Variants in GALNT9 observed in about 807,000 individuals in gnomAD.
The protein encoded by GALNT9 is polypeptide N-acetylgalactosaminyltransferase 9.
In GALNT9, 47 loss-of-function variants were observed where a neutral mutation model predicts 63.1. That is an observed-to-expected ratio of 0.75 (90% CI 0.59 to 0.95). The LOEUF (loss-of-function observed/expected upper bound fraction) is 0.95, where lower values mean the gene tolerates loss of function less well. GALNT9 is among the 40% of genes least tolerant of loss of function. The pLI is 0.00. For synonymous variants in GALNT9, 396 were observed against 365.7 expected (o/e 1.08, Z -0.94); for missense variants, 829 against 874.8 (o/e 0.95, Z 0.66).
chr12:132,216,796 C>T (rs1432335062), intron 6 of GALNT9, among the ~76,000 whole-genome samples: 5 of 152,342 alleles, frequency 3.3e-5, no homozygotes, highest in Non-Finnish European at 5.9e-5. Context: ...GTTCTGAGCT[C>T]GAGGCTTTGG....
chr12:132,251,220 T>A (rs1434561556), intron 5 of GALNT9, among the ~76,000 whole-genome samples: 1 of 152,226 alleles, frequency 6.6e-6, no homozygotes, highest in African/African-American at 2.4e-5. Context: ...ATTTTATGAA[T>A]TTCGATCGAT....
chr12:132,224,930 A>G (rs1455680774), intron 6 of GALNT9, among the ~76,000 whole-genome samples: 2 of 137,338 alleles, frequency 1.5e-5, no homozygotes, highest in Non-Finnish European at 3.1e-5. Context: ...CCACATGCAT[A>G]AACACAACCC....
At chr12:132,204,725 G>A (rs1365587405) in intron 6 of GALNT9, among the ~76,000 whole-genome samples, 4 of 151,964 alleles carry the variant, frequency 2.6e-5, no homozygotes, top group South Asian at 2.1e-4. Context: ...AGCCAGCCCC[G>A]TCCCATCCTA....
At chr12:132,224,926 G>A (rs1320050363) in intron 6 of GALNT9, among the ~76,000 whole-genome samples, 1 of 120,020 alleles carries the variant, frequency 8.3e-6, no homozygotes. Flanking sequence ...CGTGCCACAT[G>A]CATAAACACA....
chr12:132,215,457 C>G (rs1424372659), intron 6 of GALNT9, among the ~76,000 whole-genome samples: 1 of 152,208 alleles, frequency 6.6e-6, no homozygotes, highest in Non-Finnish European at 1.5e-5. Context: ...GTGCTGGCCT[C>G]GACGGAGAGC....
Position 132,257,758 on chromosome 12 carries a change from C to T in GALNT9, c.890G>A (p.Gly297Asp). The change falls in exon 5 of 11, where the codon GGC becomes GAC. Residue 297 changes from glycine to aspartate, a missense_variant. By Grantham distance (94) the Gly-to-Asp change is moderately conservative. Transcript: ENST00000328957. Reference protein sequence around the residue: ...YANAAHGYNWGLWCMYIIPPQ... With the variant: ...YANAAHGYNWDLWCMYIIPPQ... ...GGGGATGATGTACATGCACCAGAGG[C>T]CCCAGTTGTAGCCATGGGCGGCGTT... 1 of 1,550,552 alleles carries T rather than the reference C, an allele frequency of 6.4e-7. No individual in the cohort carries two copies. The highest frequency in any genetic ancestry group is 8.7e-7 in the Non-Finnish European group (1 of 1,146,834).
Position 132,315,665 on chromosome 12 carries a change from G to A in GALNT9, c.238+13301C>T, listed in dbSNP as rs1011830711. Among the ~76,000 whole-genome samples, 5 of 152,190 alleles carry A rather than the reference G, an allele frequency of 3.3e-5. No individual in the cohort carries two copies. The highest frequency in any genetic ancestry group is 1.2e-4 in the African/African-American group (5 of 41,438). Reference sequence around the variant, plus strand: ...GTCTTCTGGGCCAGTCTCTGTGAAGGCCACCAGTTCGGATCCCAGTTCTGC... The same window carrying A: ...GTCTTCTGGGCCAGTCTCTGTGAAGACCACCAGTTCGGATCCCAGTTCTGC... On this transcript the variant is annotated intron_variant, in intron 1 of 10. Coordinates refer to ENST00000328957, the MANE Select transcript of GALNT9 (RefSeq NM_001122636.2). This position sits in a 1 kb window ranked among gnomAD's most constrained non-coding sequence, Gnocchi z 6.1.
chr12:132,322,161 TC>T (rs1868832026), intron 1 of GALNT9, among the ~76,000 whole-genome samples: 1 of 152,192 alleles, frequency 6.6e-6, no homozygotes, highest in Non-Finnish European at 1.5e-5. Context: ...GACGTGAGCT[TC>T]CGGGCGGGCC....
At chr12:132,227,314 G>A (rs956153098) in intron 6 of GALNT9, among the ~76,000 whole-genome samples, 2 of 152,114 alleles carry the variant, frequency 1.3e-5, no homozygotes, top group African/African-American at 2.4e-5. Context: ...CCCCGAACGC[G>A]TGTGGGGAAG....
In GALNT9 at chr12:132,253,520, T is replaced by C. The variant is rs577570204; in HGVS notation, c.959+4169A>G. ...TGACCCTATACCCTCAGGTTATTCCTAGATTATATTAGTAATGCAACAAAG... is the reference window on the plus strand; with the variant it reads ...TGACCCTATACCCTCAGGTTATTCCCAGATTATATTAGTAATGCAACAAAG... On this transcript the variant is annotated intron_variant, in intron 5 of 10. Coordinates refer to ENST00000328957, the MANE Select transcript of GALNT9 (RefSeq NM_001122636.2). Among the ~76,000 whole-genome samples the C allele has an allele frequency of 2.1e-5, 3 of 144,774 alleles. No individual in the cohort carries two copies. In the South Asian group the frequency reaches 7.4e-4, roughly 36 times the overall value. 95.0% of individuals were successfully genotyped at this position (144,774 alleles called of 152,430 possible).
chr12:132,289,735 G>A (rs1200413557), intron 1 of GALNT9, among the ~76,000 whole-genome samples: 4 of 152,188 alleles, frequency 2.6e-5, no homozygotes, highest in Non-Finnish European at 4.4e-5. Flanking sequence ...CCCTCCACCC[G>A]GGGCTCCATG....
intron 1 of GALNT9, 109 bp downstream of exon 1, chr12:132,328,857 A>G: frequency 1.5e-6 from 2 of 1,290,962 alleles, no homozygotes; most frequent in South Asian, 3.3e-5. Flanking sequence ...ATTCCCTCCC[A>G]CAGGGGCGCA....
At chr12:132,302,265 C>CACAT (rs1277279200) in intron 1 of GALNT9, among the ~76,000 whole-genome samples, 1 of 151,320 alleles carries the variant, frequency 6.6e-6, no homozygotes, top group South Asian at 2.1e-4. Flanking sequence ...CACACACACA[C>CACAT]ACAGGATCAC....
chr12:132,329,004 A>G lies in GALNT9; in HGVS notation c.200T>C (p.Leu67Pro), dbSNP rs577239169. Reference sequence around the variant, plus strand: ...GTAGACCACCTCCTCCAGGTGGTCCAGGCGCTGCAGGATGGCCTCACGGTC... The same window carrying G: ...GTAGACCACCTCCTCCAGGTGGTCCGGGCGCTGCAGGATGGCCTCACGGTC... ...LGDREAILQR[L>P]DHLEEVVYNQ... Residue 67 changes from leucine (L) to proline (P), a missense_variant, in exon 1 of 11, where the codon CTG becomes CCG. By Grantham distance (98) the Leu-to-Pro change is moderately conservative. Coordinates refer to ENST00000328957, the MANE Select transcript of GALNT9 (RefSeq NM_001122636.2). 20 of 1,542,124 alleles carry G rather than the reference A, an allele frequency of 1.3e-5. No homozygotes were observed. The South Asian group carries it at 2.4e-4, about 18-fold the overall frequency.
At chr12:132,284,273 GCA>G (rs1436922078) in intron 2 of GALNT9, 1 of 150,030 alleles carries the variant, frequency 6.7e-6, no homozygotes, top group Non-Finnish European at 1.5e-5. Flanking sequence ...AGGTGCACAC[GCA>G]CACACCCACA....
At chr12:132,239,753 GAC>G (rs1198827287) in intron 6 of GALNT9, among the ~76,000 whole-genome samples, 31 of 152,216 alleles carry the variant, frequency 2.0e-4, no homozygotes, top group Middle Eastern at 6.8e-3. Context: ...CAGAGACAGA[GAC>G]ATGGAGAGAA....
chr12:132,329,090 C>T lies in GALNT9; in HGVS notation c.114G>A (p.Val38=). 1 of 1,548,834 alleles carries T rather than the reference C, an allele frequency of 6.5e-7. No homozygotes were observed. Among genetic ancestry groups the T allele is most frequent in the South Asian group, 1.2e-5 (1 of 84,030 alleles). ...CRLQGRSQEL[V]RIVSGDRRVR... is the part of the protein sequence containing the mutation. ...CCCGGCGGTCGCCGCTCACGATGCG[C>T]ACGAGCTCCTGGGAGCGGCCCTGCA... is the stretch of plus-strand genomic sequence containing the variant. Residue 38 remains valine, a synonymous_variant, in exon 1 of 11, where the codon GTG becomes GTA. Transcript: ENST00000328957.
intron 2 of GALNT9, among the ~76,000 whole-genome samples, chr12:132,270,720 G>A (rs923750917): frequency 5.9e-5 from 9 of 152,232 alleles, no homozygotes; most frequent in African/African-American, 1.7e-4. Flanking sequence ...ACACGGCCAC[G>A]GCCACAGCCA....
intron 6 of GALNT9, among the ~76,000 whole-genome samples, chr12:132,219,941 C>T (rs1332800020): frequency 6.6e-6 from 1 of 152,222 alleles, no homozygotes; most frequent in African/African-American, 2.4e-5. Context: ...GTGACACCCG[C>T]CTGGGTAAGG....
Sources: gnomAD v4.1 joint callset for allele counts (sites outside exome capture counted in the v4.1 genomes callset) on GRCh38, gnomAD v4.1.1 for gene constraint, Gnocchi (gnomAD v3.1) non-coding constraint, MANE v1.5 for transcripts, NCBI Gene and HGNC (gene_info 2026-07-23, HGNC 2026-07-21) for gene names.